The following VEZT variants were observed in gnomAD, a reference collection of about 807,000 sequenced individuals.
The protein encoded by VEZT is vezatin.
In VEZT, 39 loss-of-function variants were observed where a neutral mutation model predicts 79.9. The observed-to-expected ratio is 0.49, with a 90% CI of 0.38 to 0.64. The LOEUF (loss-of-function observed/expected upper bound fraction) is 0.64. Ranked by LOEUF, VEZT falls within the 30% of genes least tolerant of loss-of-function variation. The pLI, the probability that VEZT is intolerant of heterozygous loss-of-function variation, is 0.00. For synonymous variants in VEZT, 325 were observed against 327.6 expected (o/e 0.99, Z 0.09); for missense variants, 837 against 893.1 (o/e 0.94, Z 0.80).
chr12:95,229,225 A>G lies in VEZT; in HGVS notation c.36+11339A>G, dbSNP rs1328064062. Among the ~76,000 whole-genome samples, 6 of 152,326 alleles carry G rather than the reference A, an allele frequency of 3.9e-5. No homozygotes were observed. The South Asian group carries it at 1.0e-3, about 26-fold the overall frequency. On this transcript the variant is annotated intron_variant, in intron 1 of 11. Transcript: ENST00000436874. ...TGTTTTATGTCTAAACATTCAAGAA[A>G]AGTAGGTAGTTCTCTCTTTTATGTA...
At chr12:95,234,575 A>G (rs1298902221) in intron 1 of VEZT, among the ~76,000 whole-genome samples, 1 of 152,160 alleles carries the variant, frequency 6.6e-6, no homozygotes, top group African/African-American at 2.4e-5. Flanking sequence ...GATTACAGAC[A>G]TGAGCCACCG....
Position 95,282,557 on chromosome 12 carries a change from C to T in VEZT, c.1241C>T (p.Ser414Phe), listed in dbSNP as rs1183763121. 3 of 1,613,866 alleles carry T rather than the reference C, an allele frequency of 1.9e-6. No individual in the cohort carries two copies. The highest frequency in any genetic ancestry group is 1.3e-5 in the African/African-American group (1 of 74,926). ...CACCAGTCAGTACCGCAGTGTTTATCCAAAACTCAACAGAAGTCAAGAGAA... is the reference window on the plus strand; with the variant it reads ...CACCAGTCAGTACCGCAGTGTTTATTCAAAACTCAACAGAAGTCAAGAGAA... Reference protein sequence around the residue: ...TQHQSVPQCLSKTQQKSRELN... With the variant: ...TQHQSVPQCLFKTQQKSRELN... Residue 414 changes from serine to phenylalanine, a missense_variant, in exon 8 of 12, where the codon TCC (serine) becomes TTC (phenylalanine). Coordinates refer to ENST00000436874, the MANE Select transcript of VEZT (RefSeq NM_017599.4).
intron 5 of VEZT, 43 bp downstream of exon 5, chr12:95,266,675 A>G (rs368644161): frequency 2.1e-4 from 319 of 1,510,376 alleles, no homozygotes; most frequent in Non-Finnish European, 2.6e-4. Flanking sequence ...ATTATTTTCT[A>G]TTCCATAAAG....
Position 95,257,238 on chromosome 12 carries a change from TG to T in VEZT, c.258+1del. On this transcript the variant is annotated frameshift_variant and splice_region_variant, in exon 3 of 12. Coordinates refer to ENST00000436874, the MANE Select transcript of VEZT (RefSeq NM_017599.4). LOFTEE classifies it high-confidence loss of function. ...CNKKDDLLHK[L>X]DIGFRLDSLH... is the part of the protein sequence containing the mutation. ...AAGAAAGATGACTTACTTCACAAGT[TG>T]GTAAGTGGTCACTTCTTTTTGCCAC... 1 of 1,603,496 alleles carries T rather than the reference TG, an allele frequency of 6.2e-7. No individual in the cohort carries two copies.
intron 1 of VEZT, 37 bp downstream of exon 1, chr12:95,217,923 G>A: frequency 1.4e-6 from 2 of 1,472,092 alleles, no homozygotes; most frequent in Middle Eastern, 1.8e-4. Context: ...GATTGCCTTT[G>A]TTTGAGAAGG....
chr12:95,222,358 C>T (rs543903532), intron 1 of VEZT, among the ~76,000 whole-genome samples: 2 of 152,068 alleles, frequency 1.3e-5, no homozygotes, highest in African/African-American at 2.4e-5. Flanking sequence ...TTTTTTTCCC[C>T]GTATGGATGT....
chr12:95,238,961 A>G (rs2060530559), intron 1 of VEZT, among the ~76,000 whole-genome samples: 1 of 152,236 alleles, frequency 6.6e-6, no homozygotes, highest in Non-Finnish European at 1.5e-5. Context: ...ATGTCCTAAT[A>G]TGGAAAGGTC....
rs1341090028 is a variant in VEZT at position 95,235,501 on chromosome 12, G to A, written c.37-16439G>A. On this transcript the variant is annotated intron_variant, in intron 1 of 11. Coordinates refer to ENST00000436874, the MANE Select transcript of VEZT (RefSeq NM_017599.4). Reference sequence around the variant, plus strand: ...CCAGTAGGGGCGGCCGGGCAGAGGCGCCCCTCACCTCCCGGACGGGGCAGC... The same window carrying A: ...CCAGTAGGGGCGGCCGGGCAGAGGCACCCCTCACCTCCCGGACGGGGCAGC... Among the ~76,000 whole-genome samples the A allele has an allele frequency of 3.8e-5, 5 of 132,744 alleles. 1 individual carries two copies. In the East Asian group the frequency reaches 7.2e-4, roughly 19 times the overall value. 87.1% of individuals were successfully genotyped at this position (132,744 alleles called of 152,430 possible).
intron 9 of VEZT, among the ~76,000 whole-genome samples, chr12:95,289,260 A>G (rs1236686500): frequency 6.6e-6 from 1 of 151,202 alleles, no homozygotes; most frequent in Admixed American, 6.6e-5. Flanking sequence ...TACTAAAAAT[A>G]CAAAAAATTA....
chr12:95,250,463 C>T (rs1263617025), intron 1 of VEZT, among the ~76,000 whole-genome samples: 3 of 151,316 alleles, frequency 2.0e-5, no homozygotes, highest in South Asian at 4.2e-4. Flanking sequence ...CCATCATGCC[C>T]GGCTGATTTT....
intron 5 of VEZT, chr12:95,269,820 T>C (rs1417017297): frequency 2.7e-6 from 1 of 366,962 alleles, no homozygotes; most frequent in Non-Finnish European, 4.7e-6. Flanking sequence ...GAGATGTTAA[T>C]TTTTTGTCTT....
chr12:95,256,908 A>C (rs773146231), intron 2 of VEZT, among the ~76,000 whole-genome samples: 7 of 152,180 alleles, frequency 4.6e-5, no homozygotes, highest in East Asian at 3.8e-4. Context: ...TTGAATCAGA[A>C]TCTTTAGTTT....
intron 2 of VEZT, chr12:95,256,648 G>C: frequency 1.6e-6 from 2 of 1,224,368 alleles, no homozygotes; most frequent in Non-Finnish European, 2.1e-6. Context: ...GGTTGATTCA[G>C]TAGTAAAGCT....
chr12:95,219,817 C>A (rs185479810), intron 1 of VEZT, among the ~76,000 whole-genome samples: 1 of 152,314 alleles, frequency 6.6e-6, no homozygotes. Context: ...TTAATCTTTG[C>A]TAATTTGATA....
At chr12:95,267,283 A>G (rs986171863) in intron 5 of VEZT, among the ~76,000 whole-genome samples, 1 of 152,234 alleles carries the variant, frequency 6.6e-6, no homozygotes, top group African/African-American at 2.4e-5. Flanking sequence ...GCATACAACT[A>G]AAGGCATAGA....
chr12:95,277,855 G>C (rs1323281474), intron 7 of VEZT, among the ~76,000 whole-genome samples: 1 of 152,212 alleles, frequency 6.6e-6, no homozygotes, highest in African/African-American at 2.4e-5. Flanking sequence ...GAAGGACTTG[G>C]AGAAAGAATT....
intron 3 of VEZT, chr12:95,258,282 G>T (rs779354316): frequency 2.2e-6 from 1 of 455,664 alleles, no homozygotes; most frequent in Non-Finnish European, 4.4e-6. Context: ...CTAGGACTGT[G>T]GTAAGGTATA....
chr12:95,296,996 A>G (rs1304478225), intron 11 of VEZT: 2 of 152,360 alleles, frequency 1.3e-5, no homozygotes. Context: ...TAAAACCTAG[A>G]CCAGTGAGCC....
At position 95,263,070 on chromosome 12, in the gene VEZT, C is replaced by T; in HGVS notation, c.423C>T (p.Thr141=). 1 of 1,606,732 alleles carries T rather than the reference C, an allele frequency of 6.2e-7. No individual in the cohort carries two copies. Among genetic ancestry groups the T allele is most frequent in the South Asian group, 1.1e-5 (1 of 90,420 alleles). Reference sequence around the variant, plus strand: ...TTCCAACACTTTGCTCCCTGGCAACCCCTAATATTTGGTACTGTCCAGAAA... The same window carrying T: ...TTCCAACACTTTGCTCCCTGGCAACTCCTAATATTTGGTACTGTCCAGAAA... The part of the protein sequence containing the change: ...GHLPTLCSLA[T]PNIWDLSMLF... The change falls in exon 4 of 12, where the codon ACC becomes ACT. Residue 141 remains threonine (T), a synonymous_variant. Transcript: ENST00000436874.
Sources: allele counts gnomAD v4.1 joint callset (sites outside exome capture counted in the v4.1 genomes callset), GRCh38; gene constraint gnomAD v4.1.1; transcripts MANE v1.5; gene names NCBI Gene and HGNC (gene_info 2026-07-23, HGNC 2026-07-21).